PITRM1: variants seen among roughly 807,000 people sequenced by gnomAD.
The protein encoded by PITRM1 is pitrilysin metallopeptidase 1.
In PITRM1, 100 loss-of-function variants were observed where a neutral mutation model predicts 129.9. That is an observed-to-expected ratio of 0.77 (90% CI 0.65 to 0.91). PITRM1 has a LOEUF of 0.91. Among genes scored for constraint, PITRM1 ranks in the 40% least tolerant of loss-of-function variants. PITRM1 has a pLI of 0.00. For missense variants in PITRM1, 1,471 were observed against 1,318.3 expected (o/e 1.12, Z -1.79); for synonymous variants, 591 against 508.8 (o/e 1.16, Z -2.17).
chr10:3,144,271 C>T (rs1432579681), intron 22 of PITRM1, 21 bp downstream of exon 22: 20 of 1,495,640 alleles, frequency 1.3e-5, no homozygotes, highest in African/African-American at 1.4e-5. Context: ...GCTGGCAACC[C>T]GGATGGGCTG....
intron 23 of PITRM1, 172 bp downstream of exon 23, chr10:3,143,217 C>T (rs926179953): frequency 2.2e-5 from 13 of 599,238 alleles, no homozygotes; most frequent in African/African-American, 1.7e-4. Flanking sequence ...TCTCTGTTCA[C>T]AAAGACTGCT....
chr10:3,149,868 T>C lies in PITRM1; in HGVS notation c.1739-115A>G, dbSNP rs536280495. On this transcript the variant is annotated intron_variant, in intron 15 of 26. Coordinates refer to ENST00000224949, the MANE Select transcript of PITRM1 (RefSeq NM_014889.4). ...TTCAAGAATGGAGGTTTAAGACTTA[T>C]ACTAGAGTTTATATAAATTTCCCAA... 9.2e-4 allele frequency: 986 copies of C among 1,067,004 alleles called. 14 individuals are homozygous for C. In the South Asian group the frequency reaches 0.013, roughly 14 times the overall value. 66.1% of individuals were successfully genotyped at this position (1,067,004 alleles called of 1,614,324 possible). A position where few individuals can be genotyped will look rare whatever the true frequency, so the allele number is the denominator to read the frequency against.
At chr10:3,141,050 T>C (rs893520335) in intron 23 of PITRM1, among the ~76,000 whole-genome samples, 1 of 152,114 alleles carries the variant, frequency 6.6e-6, no homozygotes, top group African/African-American at 2.4e-5. Context: ...CAAGGGATCC[T>C]CCCACAACAG....
At chr10:3,139,545 G>A (rs79364348) in intron 24 of PITRM1, among the ~76,000 whole-genome samples, 2,208 of 152,282 alleles carry the variant, frequency 0.014, 51 homozygotes, top group African/African-American at 0.048. Flanking sequence ...GCAGAGGGGC[G>A]GCTGTGAGCT....
intron 21 of PITRM1, among the ~76,000 whole-genome samples, chr10:3,144,698 G>A (rs1214220547): frequency 6.6e-6 from 1 of 152,080 alleles, no homozygotes; most frequent in Non-Finnish European, 1.5e-5. Context: ...CCAGCTACTT[G>A]GGAGGCTGAG....
At chr10:3,170,622 AAT>A (rs1243612357) in intron 1 of PITRM1, among the ~76,000 whole-genome samples, 6 of 152,316 alleles carry the variant, frequency 3.9e-5, no homozygotes, top group Admixed American at 3.9e-4. Flanking sequence ...TAAAAAGCCT[AAT>A]ATTACCGGGA....
chr10:3,150,385 G>A (rs2132415907), intron 15 of PITRM1, among the ~76,000 whole-genome samples: 2 of 152,252 alleles, frequency 1.3e-5, no homozygotes, highest in South Asian at 4.1e-4. Flanking sequence ...TCAGCCTCGA[G>A]TTCCACTCAC....
chr10:3,145,710 T>C lies in PITRM1; in HGVS notation c.2343A>G (p.Ser781=), dbSNP rs370585587. ...GCATCTGCTGAGGAGTCGCATTCAC[T>C]GAACACCTGTTTGAAAAATTATGTA... ...HLLNGDNMRC[S]VNATPQQMPQ... The change falls in exon 21 of 27, where the codon TCA becomes TCG. Residue 781 remains serine, a synonymous_variant. Coordinates refer to ENST00000224949, the MANE Select transcript of PITRM1 (RefSeq NM_014889.4). 18 of 1,548,328 alleles carry C rather than the reference T, an allele frequency of 1.2e-5. No homozygotes were observed. Among genetic ancestry groups the C allele is most frequent in the South Asian group, 4.8e-5 (4 of 84,032 alleles).
Position 3,148,241 on chromosome 10 carries a change from A to C in PITRM1, c.1922T>G (p.Leu641Trp). The C allele has an allele frequency of 6.2e-7, 1 of 1,613,986 alleles. No homozygotes were observed. Among genetic ancestry groups the C allele is most frequent in the Non-Finnish European group, 8.5e-7 (1 of 1,179,870 alleles). ...DYREQAQQIE[L>W]KTGGMSASPH... is the part of the protein sequence containing the mutation. Reference sequence around the variant, plus strand: ...AGAAGCACTCATCCCTCCGGTCTTCAATTCTATCTGCTGAGCCTGCTCCCG... The same window carrying C: ...AGAAGCACTCATCCCTCCGGTCTTCCATTCTATCTGCTGAGCCTGCTCCCG... Residue 641 changes from leucine (L) to tryptophan (W), a missense_variant, in exon 17 of 27, where the codon TTG (leucine) becomes TGG (tryptophan). Physicochemically the swap from Leu to Trp is moderately conservative, Grantham distance 61 (BLOSUM62 -2). Coordinates refer to ENST00000224949, the MANE Select transcript of PITRM1 (RefSeq NM_014889.4).
chr10:3,159,931 T>C lies in PITRM1; in HGVS notation c.924A>G (p.Glu308=). ...AATCCGGGCCACATGTTATCTGGAA[T>C]TCCCTCTGTAAAATGACGTGACGTT... ...PAQTPWDKPR[E]FQITCGPDSF... The change falls in exon 9 of 27, where the codon GAA becomes GAG. Residue 308 remains glutamate (E), a synonymous_variant. Coordinates refer to ENST00000224949, the MANE Select transcript of PITRM1 (RefSeq NM_014889.4). 6.3e-7 allele frequency: 1 copy of C among 1,595,638 alleles called. No individual in the cohort carries two copies. The highest frequency in any genetic ancestry group is 8.6e-7 in the Non-Finnish European group (1 of 1,169,154).
intron 24 of PITRM1, among the ~76,000 whole-genome samples, chr10:3,139,819 G>A (rs562981116): frequency 6.6e-6 from 1 of 152,346 alleles, no homozygotes; most frequent in East Asian, 1.9e-4. Flanking sequence ...TGCCACTGCG[G>A]CCGGCTGGCT....
intron 11 of PITRM1, 76 bp from the exon 12 acceptor site, chr10:3,157,607 CAAG>C: frequency 1.1e-6 from 1 of 945,212 alleles, no homozygotes; most frequent in South Asian, 1.5e-5. Context: ...TTTGGGAGGC[CAAG>C]GCAGGAGGAC....
At chr10:3,160,703 C>T (rs924740958) in intron 7 of PITRM1, among the ~76,000 whole-genome samples, 24 of 151,652 alleles carry the variant, frequency 1.6e-4, no homozygotes, top group African/African-American at 4.8e-4. Flanking sequence ...AATCCTCCAG[C>T]CTCAGCCTCC....
chr10:3,143,005 C>T (rs941981493), intron 23 of PITRM1: 4 of 177,862 alleles, frequency 2.2e-5, no homozygotes, highest in Admixed American at 1.1e-4. Flanking sequence ...CTGTCATTCA[C>T]GCATCTGTCC....
rs1229315706 is a variant in PITRM1 at position 3,148,208 on chromosome 10, A to G, written c.1955T>C (p.Val652Ala). Reference sequence around the variant, plus strand: ...GTCCATGTGTGAGTCGTCGGGGAGCACGTGGGGAGAAGCACTCATCCCTCC... The same window carrying G: ...GTCCATGTGTGAGTCGTCGGGGAGCGCGTGGGGAGAAGCACTCATCCCTCC... ...KTGGMSASPH[V>A]LPDDSHMDTY... Residue 652 changes from valine (V) to alanine (A), a missense_variant, in exon 17 of 27, where the codon GTG (valine) becomes GCG (alanine). Val to Ala is a moderately conservative substitution (Grantham distance 64). Transcript: ENST00000224949. 2 of 1,614,016 alleles carry G rather than the reference A, an allele frequency of 1.2e-6. No individual in the cohort carries two copies.
intron 7 of PITRM1, among the ~76,000 whole-genome samples, chr10:3,162,790 C>T (rs894861864): frequency 6.6e-6 from 1 of 152,250 alleles, no homozygotes; most frequent in African/African-American, 2.4e-5. Context: ...AGAAACTGGG[C>T]CTGCACACTC....
Position 3,147,224 on chromosome 10 carries a change from T to G in PITRM1, c.2262A>C (p.Glu754Asp). The change falls in exon 20 of 27, where the codon GAA becomes GAC. Residue 754 changes from glutamate to aspartate, a missense_variant. Transcript: ENST00000224949. ...TCAGGATGGGTTTGATATCTGTCATTTCTGCAATCCTCTTCATCAGCCGCA... is the reference window on the plus strand; with the variant it reads ...TCAGGATGGGTTTGATATCTGTCATGTCTGCAATCCTCTTCATCAGCCGCA... ...DQVRLMKRIAEMTDIKPILRK... is the reference protein window; with the variant it reads ...DQVRLMKRIADMTDIKPILRK... 6.2e-7 allele frequency: 1 copy of G among 1,613,028 alleles called. No individual in the cohort carries two copies. The highest frequency in any genetic ancestry group is 8.5e-7 in the Non-Finnish European group (1 of 1,179,020).
chr10:3,142,001 A>G (rs1840275378), intron 23 of PITRM1, among the ~76,000 whole-genome samples: 1 of 152,214 alleles, frequency 6.6e-6, no homozygotes, highest in African/African-American at 2.4e-5. Context: ...AATTTCTATT[A>G]CTTGTATATT....
intron 1 of PITRM1, 100 bp downstream of exon 1, chr10:3,172,617 C>G: frequency 9.0e-7 from 1 of 1,106,882 alleles, no homozygotes. Context: ...GAGCTGCCAG[C>G]CCCGGGCGCA....
Sources: gnomAD v4.1 joint callset for allele counts (sites outside exome capture counted in the v4.1 genomes callset) on GRCh38, gnomAD v4.1.1 for gene constraint, MANE v1.5 for transcripts, NCBI Gene and HGNC (gene_info 2026-07-23, HGNC 2026-07-21) for gene names.